Variants in ZMYND11 observed in about 807,000 individuals in gnomAD.
ZMYND11 encodes zinc finger MYND-type containing 11, also known as zinc finger MYND domain-containing protein 11.
Under a neutral mutation model 84.9 loss-of-function variants are expected in ZMYND11, and 9 were observed. The observed-to-expected ratio is 0.11, with a 90% CI of 0.06 to 0.18. The LOEUF (loss-of-function observed/expected upper bound fraction) is 0.18, where lower values mean the gene tolerates loss of function less well. Ranked by LOEUF, ZMYND11 falls within the 10% of genes least tolerant of loss-of-function variation. The probability of loss-of-function intolerance (pLI) is 1.00; values close to 1 mark genes in which losing one functional copy is unlikely to be tolerated. For missense variants in ZMYND11, 409 were observed against 761.0 expected (o/e 0.54, Z 5.44); for synonymous variants, 250 against 244.1 (o/e 1.02, Z -0.23).
At chr10:139,847 G>T (rs1363368722) in intron 1 of ZMYND11, among the ~76,000 whole-genome samples, 1 of 151,830 alleles carries the variant, frequency 6.6e-6, no homozygotes, top group Non-Finnish European at 1.5e-5. Flanking sequence ...AAGTAGCTGG[G>T]ACTACAGGCA....
intron 9 of ZMYND11, 97 bp downstream of exon 9, chr10:241,067 A>G (rs1340565825): frequency 1.1e-6 from 1 of 950,808 alleles, no homozygotes; most frequent in Non-Finnish European, 1.6e-6. Context: ...TAAATTTTTA[A>G]AATATCATAG....
At chr10:136,442 T>C (rs1554752204) in intron 1 of ZMYND11, among the ~76,000 whole-genome samples, 2 of 152,136 alleles carry the variant, frequency 1.3e-5, no homozygotes, top group African/African-American at 4.8e-5. Flanking sequence ...CCGGGGATTA[T>C]ATATGGTGTG....
chr10:134,996 C>A (rs1835556560), upstream of ZMYND11: 1 of 149,174 alleles, frequency 6.7e-6, no homozygotes, highest in African/African-American at 2.4e-5. Flanking sequence ...CAGTGCGCGG[C>A]CCGGCCGCGG....
At chr10:200,230 T>TATATATAAAAATATATATATAATATAAA (rs1564368883) in intron 2 of ZMYND11, among the ~76,000 whole-genome samples, 2 of 9,586 alleles carry the variant, frequency 2.1e-4, no homozygotes, top group African/African-American at 2.8e-4. Context: ...GTGTGTATAA[T>TATATATAAAAATATATATATAATATAAA]ATATATAAAA....
intron 2 of ZMYND11, among the ~76,000 whole-genome samples, chr10:204,340 G>A (rs1056510657): frequency 8.6e-5 from 13 of 152,042 alleles, no homozygotes; most frequent in African/African-American, 3.1e-4. Flanking sequence ...CACAAATTTT[G>A]TCATTCTATT....
chr10:138,667 T>G (rs1218272151), intron 1 of ZMYND11, among the ~76,000 whole-genome samples: 1 of 152,052 alleles, frequency 6.6e-6, no homozygotes, highest in Non-Finnish European at 1.5e-5. Flanking sequence ...AACCCTCTGG[T>G]ATCAGATTTT....
At position 140,995 on chromosome 10, in the gene ZMYND11, G is replaced by A. The variant is rs932066182; in HGVS notation, c.-20+5436G>A. Reference sequence around the variant, plus strand: ...TTTAAAGGAATCATATGGACTCTTCGATCTGTTTGTTTTTCAGAGATGAGA... The same window carrying A: ...TTTAAAGGAATCATATGGACTCTTCAATCTGTTTGTTTTTCAGAGATGAGA... On this transcript the variant is annotated intron_variant, in intron 1 of 14. Coordinates refer to ENST00000381604, the MANE Select transcript of ZMYND11 (RefSeq NM_001370100.5). Among the ~76,000 whole-genome samples, 11 of 152,250 alleles carry A rather than the reference G, an allele frequency of 7.2e-5. No individual in the cohort carries two copies. The South Asian group carries it at 1.0e-3, about 14-fold the overall frequency.
intron 1 of ZMYND11, among the ~76,000 whole-genome samples, chr10:155,859 T>C (rs1841582473): frequency 6.6e-6 from 1 of 152,232 alleles, no homozygotes; most frequent in Non-Finnish European, 1.5e-5. Flanking sequence ...TGGTGATGTA[T>C]TGACATTTTG....
intron 4 of ZMYND11, among the ~76,000 whole-genome samples, chr10:229,394 A>T (rs1028708391): frequency 6.6e-6 from 1 of 152,114 alleles, no homozygotes; most frequent in Non-Finnish European, 1.5e-5. Context: ...CATATTTGTG[A>T]TAGCTTACAG....
At chr10:160,302 A>C (rs754306091) in intron 1 of ZMYND11, among the ~76,000 whole-genome samples, 23 of 152,234 alleles carry the variant, frequency 1.5e-4, no homozygotes, top group Non-Finnish European at 1.8e-4. Context: ...TAACAAGACA[A>C]ATGTACAGAC....
intron 1 of ZMYND11, among the ~76,000 whole-genome samples, chr10:172,890 T>C (rs1445949414): frequency 2.6e-5 from 4 of 152,060 alleles, no homozygotes; most frequent in South Asian, 2.1e-4. Flanking sequence ...ACAGGACAAA[T>C]AGATGGATGG....
chr10:201,459 G>A (rs1194942824), intron 2 of ZMYND11, among the ~76,000 whole-genome samples: 1 of 152,140 alleles, frequency 6.6e-6, no homozygotes, highest in Non-Finnish European at 1.5e-5. Context: ...TGAGATGGCA[G>A]AAGTTTCTGA....
Position 162,029 on chromosome 10 carries a change from T to G in ZMYND11, c.-19-17965T>G, listed in dbSNP as rs528013382. The stretch of plus-strand genomic sequence containing the variant: ...TTCGACATGCCTTCCTCACTAAGCT[T>G]AATCATTTTTAGTTTTTGACTTAAA... On this transcript the variant is annotated intron_variant, in intron 1 of 14. Coordinates refer to ENST00000381604, the MANE Select transcript of ZMYND11 (RefSeq NM_001370100.5). 2.0e-5 allele frequency among the ~76,000 whole-genome samples: 3 copies of G among 152,338 alleles called. No homozygotes were observed. In the South Asian group the frequency reaches 6.2e-4, roughly 32 times the overall value.
intron 4 of ZMYND11, among the ~76,000 whole-genome samples, chr10:228,056 T>C (rs1948426118): frequency 6.6e-6 from 1 of 152,184 alleles, no homozygotes; most frequent in African/African-American, 2.4e-5. Context: ...CACGCACTTT[T>C]ATAAGGTAAA....
intron 2 of ZMYND11, among the ~76,000 whole-genome samples, chr10:200,311 T>C (rs979827120): frequency 1.1e-4 from 1 of 8,858 alleles, no homozygotes; most frequent in African/African-American, 1.2e-4. Flanking sequence ...TTATATATAA[T>C]ATATAACATA....
chr10:197,978 T>G (rs1207989456), intron 2 of ZMYND11: 4 of 652,680 alleles, frequency 6.1e-6, no homozygotes. Flanking sequence ...TATGTCATTT[T>G]CATTAGTTGT....
chr10:145,400 T>C (rs1838575543), intron 1 of ZMYND11, among the ~76,000 whole-genome samples: 1 of 152,102 alleles, frequency 6.6e-6, no homozygotes, highest in Non-Finnish European at 1.5e-5. Flanking sequence ...TCTTTTCCTG[T>C]GGGTAGATGC....
chr10:163,842 T>C (rs1554762899), intron 1 of ZMYND11, among the ~76,000 whole-genome samples: 1 of 152,138 alleles, frequency 6.6e-6, no homozygotes, highest in East Asian at 1.9e-4. Flanking sequence ...ATACCTATTC[T>C]GCGTGAGTTG....
chr10:173,879 G>A (rs1845957203), intron 1 of ZMYND11, among the ~76,000 whole-genome samples: 1 of 152,056 alleles, frequency 6.6e-6, no homozygotes, highest in South Asian at 2.1e-4. Context: ...TATAAGAATG[G>A]CTCAGATCCA....
Sources: allele counts gnomAD v4.1 joint callset (sites outside exome capture counted in the v4.1 genomes callset), GRCh38; gene constraint gnomAD v4.1.1; transcripts MANE v1.5; gene names NCBI Gene and HGNC (gene_info 2026-07-23, HGNC 2026-07-21).